The following PCDH11X variants were observed in gnomAD, a reference collection of about 807,000 sequenced individuals.
PCDH11X encodes the protein protocadherin-11 X-linked.
PCDH11X carries 18 observed loss-of-function variants against 53.3 expected under a neutral mutation model. That is an observed-to-expected ratio of 0.34 (90% CI 0.23 to 0.50). The LOEUF is 0.50. PCDH11X is among the 20% of genes least tolerant of loss of function. The pLI is 0.98. For missense variants in PCDH11X, 570 were observed against 1,032.4 expected (o/e 0.55, Z 6.14); for synonymous variants, 279 against 393.3 (o/e 0.71, Z 3.44).
chrX:91,996,114 T>C (rs2062416725), intron 6 of PCDH11X, among the ~76,000 whole-genome samples: 1 of 104,278 alleles, frequency 9.6e-6, no homozygotes. Flanking sequence ...GTGCTGGGAT[T>C]ACAGGCATGA....
chrX:92,238,928 G>T (rs1327405512), intron 7 of PCDH11X, among the ~76,000 whole-genome samples: 1 of 111,064 alleles, frequency 9.0e-6, no homozygotes, highest in Non-Finnish European at 1.9e-5. Context: ...TCTAGAAAAA[G>T]AGTCAATTTA....
intron 10 of PCDH11X, among the ~76,000 whole-genome samples, chrX:92,508,151 G>GA (rs1294793261): frequency 9.0e-6 from 1 of 110,642 alleles, no homozygotes; most frequent in Non-Finnish European, 1.9e-5. Flanking sequence ...TGCATGAATA[G>GA]AAAAAAGCAT....
chrX:92,234,501 T>C (rs913046214), intron 7 of PCDH11X, among the ~76,000 whole-genome samples: 20 of 112,244 alleles, frequency 1.8e-4, no homozygotes, highest in African/African-American at 5.8e-4. Flanking sequence ...TCATGCATTC[T>C]GGTAATGACA....
chrX:92,441,896 G>A (rs1350344608), intron 9 of PCDH11X, among the ~76,000 whole-genome samples: 1 of 110,240 alleles, frequency 9.1e-6, no homozygotes, highest in Non-Finnish European at 1.9e-5. Context: ...GCCCACGAAA[G>A]CAGTTGGGAG....
intron 9 of PCDH11X, among the ~76,000 whole-genome samples, chrX:92,415,995 T>C (rs767831803): frequency 5.3e-4 from 59 of 111,956 alleles, no homozygotes; most frequent in South Asian, 2.5e-3. Context: ...ATGTGTTTAT[T>C]ATATGAGAGT....
At chrX:91,927,297 C>A (rs778049783) in intron 6 of PCDH11X, among the ~76,000 whole-genome samples, 2 of 109,851 alleles carry the variant, frequency 1.8e-5, no homozygotes, top group East Asian at 5.7e-4. Context: ...GACAAATTCA[C>A]CATCTAAGTG....
At chrX:92,503,542 G>T (rs1468593826) in intron 10 of PCDH11X, among the ~76,000 whole-genome samples, 6 of 94,200 alleles carry the variant, frequency 6.4e-5, no homozygotes, top group African/African-American at 2.1e-4. Context: ...ATACCATGCA[G>T]CCATAAAAAG....
chrX:92,062,363 T>C (rs1464021264), intron 6 of PCDH11X, among the ~76,000 whole-genome samples: 1 of 111,673 alleles, frequency 9.0e-6, no homozygotes, highest in African/African-American at 3.3e-5. Context: ...AGTACTATGT[T>C]CAATAGGAGT....
intron 6 of PCDH11X, among the ~76,000 whole-genome samples, chrX:92,075,895 A>T (rs1168929991): frequency 9.0e-6 from 1 of 110,662 alleles, no homozygotes; most frequent in African/African-American, 3.3e-5. Flanking sequence ...TCCTGCCTCA[A>T]ATATGTTTAC....
At chrX:92,548,464 C>T (rs766509367) in intron 10 of PCDH11X, among the ~76,000 whole-genome samples, 18 of 111,910 alleles carry the variant, frequency 1.6e-4, no homozygotes, top group African/African-American at 4.9e-4. Context: ...AGCCATCGCA[C>T]GCAGCCCCTA....
chrX:92,038,169 C>T (rs1016735051), intron 6 of PCDH11X, among the ~76,000 whole-genome samples: 34 of 111,305 alleles, frequency 3.1e-4, no homozygotes, highest in South Asian at 1.1e-3. Flanking sequence ...GAAATTAAAG[C>T]GGGCTACAGA....
At chrX:92,575,985 TATATATATATATATATATATATATATAC>T (rs1922877696) in intron 10 of PCDH11X, among the ~76,000 whole-genome samples, 1 of 35,631 alleles carries the variant, frequency 2.8e-5, no homozygotes, top group African/African-American at 2.0e-4. Flanking sequence ...GGTGTATATA[TATATATATATATATATATATATATATAC>T]ACACACACAC....
At chrX:92,280,561 T>TAAAC (rs2068228129) in intron 8 of PCDH11X, among the ~76,000 whole-genome samples, 1 of 108,835 alleles carries the variant, frequency 9.2e-6, no homozygotes, top group South Asian at 3.9e-4. Flanking sequence ...AATAAATAAA[T>TAAAC]AATAGAATAT....
chrX:92,587,417 G>T (rs1348157082), intron 10 of PCDH11X, among the ~76,000 whole-genome samples: 3 of 111,030 alleles, frequency 2.7e-5, no homozygotes, highest in Admixed American at 9.6e-5. Context: ...AATTTTGAAA[G>T]ACTGGGATTT....
At chrX:92,006,027 G>A (rs1396825175) in intron 6 of PCDH11X, among the ~76,000 whole-genome samples, 1 of 111,784 alleles carries the variant, frequency 8.9e-6, no homozygotes, top group Admixed American at 9.5e-5. Context: ...GCTGCTTTTA[G>A]AATCCTTTCT....
At chrX:92,508,066 C>T (rs1487752597) in intron 10 of PCDH11X, among the ~76,000 whole-genome samples, 2 of 111,014 alleles carry the variant, frequency 1.8e-5, no homozygotes, top group Non-Finnish European at 3.8e-5. Flanking sequence ...CTGCCGACCT[C>T]AGCCTCCCAA....
In PCDH11X at chrX:91,877,744, A is replaced by G. The variant is rs750222866; in HGVS notation, c.1504A>G (p.Asn502Asp). The part of the protein sequence containing the change: ...DADSGPNAKI[N>D]YLLGPDAPPE... ...AGACAGTGGGCCTAATGCTAAGATC[A>G]ATTACCTGCTAGGCCCTGATGCTCC... The change falls in exon 6 of 11, where the codon AAT becomes GAT. Residue 502 changes from asparagine (N) to aspartate (D), a missense_variant. Asn to Asp is a conservative substitution (Grantham distance 23). Coordinates refer to ENST00000682573, the MANE Select transcript of PCDH11X (RefSeq NM_032968.5). 3 of 1,211,674 alleles carry G rather than the reference A, an allele frequency of 2.5e-6. No individual in the cohort carries two copies. The highest frequency in any genetic ancestry group is 3.0e-5 in the East Asian group (1 of 33,821).
chrX:92,450,032 A>C (rs1047871515), intron 9 of PCDH11X, among the ~76,000 whole-genome samples: 3 of 111,439 alleles, frequency 2.7e-5, no homozygotes, highest in African/African-American at 9.8e-5. Flanking sequence ...TATAGAGTTC[A>C]TGAAATGGTA....
intron 10 of PCDH11X, among the ~76,000 whole-genome samples, chrX:92,574,076 TATTTCAGTA>T (rs1183715675): frequency 2.0e-5 from 2 of 97,953 alleles, no homozygotes; most frequent in Non-Finnish European, 4.1e-5. Context: ...CCTTCCAAAT[TATTTCAGTA>T]ACAATGTGGG....
Sources: allele counts gnomAD v4.1 joint callset (sites outside exome capture counted in the v4.1 genomes callset), GRCh38; gene constraint gnomAD v4.1.1; transcripts MANE v1.5; gene names NCBI Gene and HGNC (gene_info 2026-07-23, HGNC 2026-07-21).